Variants in SORCS1 observed in about 807,000 individuals in gnomAD.
SORCS1 encodes sortilin related VPS10 domain containing receptor 1.
In SORCS1, 60 loss-of-function variants were observed where a neutral mutation model predicts 146.1. The observed-to-expected ratio is 0.41, with a 90% confidence interval of 0.33 to 0.51. The LOEUF (loss-of-function observed/expected upper bound fraction) is 0.51, where lower values mean the gene tolerates loss of function less well. Ranked by LOEUF, SORCS1 falls within the 20% of genes least tolerant of loss-of-function variation. SORCS1 has a pLI of 0.21. For synonymous variants in SORCS1, 637 were observed against 584.0 expected, an observed-to-expected ratio of 1.09 and a Z score of -1.31; for missense variants, 1,352 against 1,487.6, an observed-to-expected ratio of 0.91 and a Z score of 1.50.
chr10:107,162,823 T>C (rs1402724739), intron 1 of SORCS1, among the ~76,000 whole-genome samples: 5 of 152,226 alleles, frequency 3.3e-5, no homozygotes, highest in Non-Finnish European at 5.9e-5. Context: ...GGTTCCAGAC[T>C]GCGTAAATTG....
At chr10:106,817,246 G>A (rs1162998756) in intron 3 of SORCS1, among the ~76,000 whole-genome samples, 4 of 152,154 alleles carry the variant, frequency 2.6e-5, no homozygotes, top group African/African-American at 9.7e-5. Context: ...TTTGAGTCAA[G>A]TTGGATGGGT....
chr10:106,918,396 C>T (rs1239664310), intron 2 of SORCS1, among the ~76,000 whole-genome samples: 1 of 152,152 alleles, frequency 6.6e-6, no homozygotes, highest in Non-Finnish European at 1.5e-5. Context: ...ATCTCCTGAC[C>T]TGGTGATCCA....
chr10:106,819,454 G>T (rs1947906124), intron 3 of SORCS1, among the ~76,000 whole-genome samples: 1 of 152,276 alleles, frequency 6.6e-6, no homozygotes. Flanking sequence ...ATAACAAAGT[G>T]TATCTCCGCA....
chr10:106,799,598 G>T (rs1946763339), intron 3 of SORCS1, among the ~76,000 whole-genome samples: 1 of 152,160 alleles, frequency 6.6e-6, no homozygotes, highest in Non-Finnish European at 1.5e-5. Context: ...CTCAAAAAAA[G>T]ACATTTATGC....
intron 3 of SORCS1, among the ~76,000 whole-genome samples, chr10:106,811,176 G>T (rs895005055): frequency 6.6e-6 from 1 of 151,974 alleles, no homozygotes; most frequent in African/African-American, 2.4e-5. Context: ...CTGACCTCAT[G>T]ATCCACCCAC....
At chr10:107,178,170 A>T in the SORCS1 span, among the ~76,000 whole-genome samples, 2 of 152,150 alleles carry the variant, frequency 1.3e-5, no homozygotes, top group Non-Finnish European at 2.9e-5. Flanking sequence ...GTTGGAAATA[A>T]AAAAAAGAAA....
At chr10:106,798,713 G>T (rs1170605877) in intron 3 of SORCS1, among the ~76,000 whole-genome samples, 1 of 152,138 alleles carries the variant, frequency 6.6e-6, no homozygotes, top group Non-Finnish European at 1.5e-5. Context: ...TTGGTTCCAA[G>T]TCTTTGCTAT....
rs190168000 is a variant in SORCS1, at chr10:106,754,088, T to C, written c.959+7500A>G. Among the ~76,000 whole-genome samples, 20 of 152,310 alleles carry C rather than the reference T, an allele frequency of 1.3e-4. 1 individual carries two copies. In the East Asian group the frequency reaches 3.9e-3, roughly 29 times the overall value. On this transcript the variant is annotated intron_variant, in intron 5 of 25. Transcript: ENST00000263054. Reference sequence around the variant, plus strand: ...GTCTTTTGGTAAAAGCACCTTAGTCTCTCCTGGGGCATCATATTCCTTACT... The same window carrying C: ...GTCTTTTGGTAAAAGCACCTTAGTCCCTCCTGGGGCATCATATTCCTTACT...
chr10:106,656,538 T>C (rs1408305114), intron 17 of SORCS1, among the ~76,000 whole-genome samples: 1 of 152,232 alleles, frequency 6.6e-6, no homozygotes, highest in Non-Finnish European at 1.5e-5. Flanking sequence ...AGCGAGATTC[T>C]TTCTCAAAAA....
chr10:107,056,283 T>C (rs1366025036), intron 1 of SORCS1, among the ~76,000 whole-genome samples: 2 of 152,210 alleles, frequency 1.3e-5, no homozygotes, highest in Non-Finnish European at 2.9e-5. Flanking sequence ...AAACTATCAC[T>C]ATGCCCTGAA....
At chr10:106,861,283 C>T (rs1950005771) in intron 2 of SORCS1, among the ~76,000 whole-genome samples, 2 of 151,634 alleles carry the variant, frequency 1.3e-5, no homozygotes, top group South Asian at 4.2e-4. Flanking sequence ...GCCTGTAGTA[C>T]CAGCTACTTG....
At chr10:106,897,125 C>T (rs1440797137) in intron 2 of SORCS1, among the ~76,000 whole-genome samples, 1 of 152,000 alleles carries the variant, frequency 6.6e-6, no homozygotes, top group Admixed American at 6.6e-5. Flanking sequence ...TCGTGATCCG[C>T]CCACCTCGGC....
intron 2 of SORCS1, among the ~76,000 whole-genome samples, chr10:106,888,280 T>C (rs1951085368): frequency 2.0e-5 from 3 of 152,192 alleles, no homozygotes. Flanking sequence ...ATAGTCTCCT[T>C]ATAAGATCAA....
chr10:106,757,954 G>T (rs1858779413), intron 5 of SORCS1, among the ~76,000 whole-genome samples: 1 of 152,164 alleles, frequency 6.6e-6, no homozygotes, highest in Non-Finnish European at 1.5e-5. Context: ...TACTTCAGAA[G>T]GTTGTTATGA....
At chr10:106,683,204 C>T (rs373937325) in intron 10 of SORCS1, among the ~76,000 whole-genome samples, 196 of 152,330 alleles carry the variant, frequency 1.3e-3, no homozygotes, top group African/African-American at 4.3e-3. Context: ...CAATAAAATA[C>T]TTTGGCTATT....
intron 2 of SORCS1, among the ~76,000 whole-genome samples, chr10:106,858,142 A>G (rs78348634): frequency 3.3e-5 from 5 of 152,340 alleles, no homozygotes; most frequent in African/African-American, 1.2e-4. Flanking sequence ...CCATTCTGTC[A>G]TGTATCACAG....
chr10:106,583,286 G>C (rs1271582877), intron 24 of SORCS1, among the ~76,000 whole-genome samples: 1 of 152,082 alleles, frequency 6.6e-6, no homozygotes, highest in Non-Finnish European at 1.5e-5. Context: ...AGATAATTTG[G>C]GGCAATGATA....
chr10:107,118,189 TACCTC>T (rs144114862), intron 1 of SORCS1, among the ~76,000 whole-genome samples: 16,583 of 152,086 alleles, frequency 0.11, 1,891 homozygotes, highest in East Asian at 0.35. Flanking sequence ...AGATCCCTTC[TACCTC>T]ACATTCTACC....
chr10:107,153,685 G>A (rs1298752446), intron 1 of SORCS1, among the ~76,000 whole-genome samples: 1 of 152,216 alleles, frequency 6.6e-6, no homozygotes, highest in Non-Finnish European at 1.5e-5. Context: ...CAACTTGAAT[G>A]TGAGCTCTTG....
Sources: gnomAD v4.1 joint callset for allele counts (sites outside exome capture counted in the v4.1 genomes callset) on GRCh38, gnomAD v4.1.1 for gene constraint, MANE v1.5 for transcripts, NCBI Gene and HGNC (gene_info 2026-07-23, HGNC 2026-07-21) for gene names.